CSMD3: variants seen among roughly 807,000 people sequenced by gnomAD.
CSMD3 encodes the protein CUB and sushi domain-containing protein 3.
CSMD3 carries 177 observed loss-of-function variants against 435.2 expected under a neutral mutation model. The observed-to-expected ratio is 0.41, with a 90% confidence interval of 0.36 to 0.46. The LOEUF (loss-of-function observed/expected upper bound fraction) is 0.46, where lower values mean the gene tolerates loss of function less well. CSMD3 is among the 20% of genes least tolerant of loss of function. The pLI, the probability that CSMD3 is intolerant of heterozygous loss-of-function variation, is 0.34. For synonymous variants in CSMD3, 1,656 were observed against 1,520.5 expected, an observed-to-expected ratio of 1.09 and a Z score of -2.07; for missense variants, 4,265 against 4,504.6, an observed-to-expected ratio of 0.95 and a Z score of 1.52.
chr8:112,656,307 C>T lies in CSMD3; in HGVS notation c.2851G>A (p.Val951Ile). ...QTELNYDVLE[V>I]HDGPNLLSPL... ...GACAGAAGATTTGGCCCATCATGAA[C>T]TTCCAGAACATCATAATTCAGTTCA... Residue 951 changes from valine to isoleucine, a missense_variant, in exon 18 of 71, where the codon GTT becomes ATT. This residue lies in a region of CSMD3 where 3,255 missense variants were observed against 3,380.2 expected (regional missense o/e 0.96). Transcript: ENST00000297405. The T allele has an allele frequency of 2.5e-6, 4 of 1,613,484 alleles. No individual in the cohort carries two copies. Among genetic ancestry groups the T allele is most frequent in the Non-Finnish European group, 3.4e-6 (4 of 1,179,632 alleles).
intron 1 of CSMD3, among the ~76,000 whole-genome samples, chr8:113,366,826 T>G (rs1310142088): frequency 2.6e-5 from 4 of 152,096 alleles, no homozygotes; most frequent in Non-Finnish European, 1.5e-5. Flanking sequence ...GATAATGTGT[T>G]AACCATGAAC....
chr8:113,330,902 A>C (rs1175788964), intron 1 of CSMD3, among the ~76,000 whole-genome samples: 1 of 151,846 alleles, frequency 6.6e-6, no homozygotes, highest in African/African-American at 2.4e-5. Context: ...GATATAAAAT[A>C]CTCGAGCAAG....
At chr8:112,430,882 G>A (rs535399048) in intron 32 of CSMD3, among the ~76,000 whole-genome samples, 1 of 122,458 alleles carries the variant, frequency 8.2e-6, no homozygotes, top group Non-Finnish European at 1.7e-5. Flanking sequence ...GTTGTTACGG[G>A]TGTTTGTGTG....
chr8:112,363,543 A>G (rs935772533), intron 38 of CSMD3, among the ~76,000 whole-genome samples: 2 of 152,032 alleles, frequency 1.3e-5, no homozygotes, highest in African/African-American at 4.8e-5. Flanking sequence ...CCTTCACTGC[A>G]AGAAAACCCT....
intron 13 of CSMD3, among the ~76,000 whole-genome samples, chr8:112,702,572 A>G (rs1413916318): frequency 6.6e-6 from 1 of 151,976 alleles, no homozygotes; most frequent in Non-Finnish European, 1.5e-5. Flanking sequence ...CGCTTTTTGC[A>G]CTTCTTTCCT....
intron 4 of CSMD3, among the ~76,000 whole-genome samples, chr8:113,142,322 G>T (rs1223489841): frequency 4.0e-5 from 6 of 151,060 alleles, no homozygotes; most frequent in Admixed American, 3.3e-4. Flanking sequence ...AAATTATTTT[G>T]AAAAAGTAGA....
chr8:112,492,403 T>C (rs1318598353), intron 31 of CSMD3, 86 bp downstream of exon 31: 6 of 1,007,708 alleles, frequency 6.0e-6, no homozygotes, highest in East Asian at 2.5e-5. Context: ...TGTGGAATAG[T>C]TGATGTTCTG....
Position 112,404,567 on chromosome 8 carries a change from G to T in CSMD3, c.5809+1957C>A, listed in dbSNP as rs75455724. Among the ~76,000 whole-genome samples, 299 of 151,732 alleles carry T rather than the reference G, an allele frequency of 2.0e-3. 2 individuals carry two copies. The highest frequency in any genetic ancestry group is 7.0e-3 in the African/African-American group (288 of 41,402). On this transcript the variant is annotated intron_variant, in intron 35 of 70. Transcript: ENST00000297405. Reference sequence around the variant, plus strand: ...CATATCCTGTGAATGCATATCAACAGATTTATCTTTGATCTCTTCTCAGTA... The same window carrying T: ...CATATCCTGTGAATGCATATCAACATATTTATCTTTGATCTCTTCTCAGTA...
intron 12 of CSMD3, among the ~76,000 whole-genome samples, chr8:112,814,603 C>T (rs899168167): frequency 2.6e-5 from 4 of 152,014 alleles, no homozygotes; most frequent in African/African-American, 9.7e-5. Context: ...GCCAACATGG[C>T]AAAACCCCAT....
intron 9 of CSMD3, among the ~76,000 whole-genome samples, chr8:112,938,103 C>A (rs183337480): frequency 3.8e-4 from 58 of 152,228 alleles, no homozygotes; most frequent in Admixed American, 2.6e-3. Flanking sequence ...GCAAGTCAGG[C>A]TGCTGGAACT....
chr8:113,326,884 G>A (rs1049873458), intron 1 of CSMD3, among the ~76,000 whole-genome samples: 1 of 151,880 alleles, frequency 6.6e-6, no homozygotes, highest in Admixed American at 6.6e-5. Context: ...TATATTATAG[G>A]AAAAATCTAG....
chr8:113,258,180 C>T (rs2093399027), intron 3 of CSMD3, among the ~76,000 whole-genome samples: 1 of 152,112 alleles, frequency 6.6e-6, no homozygotes, highest in African/African-American at 2.4e-5. Context: ...GATTTTCTGA[C>T]ACAAAACATA....
At chr8:112,324,739 T>G (rs1333501799) in intron 45 of CSMD3, among the ~76,000 whole-genome samples, 1 of 152,058 alleles carries the variant, frequency 6.6e-6, no homozygotes, top group Non-Finnish European at 1.5e-5. Context: ...ATGGGAGGCC[T>G]TTAAAGAGAT....
chr8:112,447,910 C>A (rs368579167), intron 32 of CSMD3, among the ~76,000 whole-genome samples: 1 of 152,028 alleles, frequency 6.6e-6, no homozygotes, highest in African/African-American at 2.4e-5. Flanking sequence ...TTGTGTCCCC[C>A]CAAAGTGTAA....
intron 4 of CSMD3, among the ~76,000 whole-genome samples, chr8:113,133,548 C>T (rs539337741): frequency 6.6e-6 from 1 of 152,170 alleles, no homozygotes; most frequent in African/African-American, 2.4e-5. Flanking sequence ...AAAAATAGAA[C>T]TACCATATGA....
chr8:112,899,063 A>G (rs2082028965), intron 10 of CSMD3, among the ~76,000 whole-genome samples: 1 of 151,262 alleles, frequency 6.6e-6, no homozygotes, highest in South Asian at 2.1e-4. Context: ...TCTTATACAA[A>G]TAAGCCACAA....
At chr8:113,386,693 C>G (rs76332152) in intron 1 of CSMD3, among the ~76,000 whole-genome samples, 1 of 151,874 alleles carries the variant, frequency 6.6e-6, no homozygotes, top group East Asian at 1.9e-4. Flanking sequence ...ACTACATTCA[C>G]CAATCTTCTT....
At chr8:113,372,791 G>A (rs2094354432) in intron 1 of CSMD3, among the ~76,000 whole-genome samples, 3 of 151,852 alleles carry the variant, frequency 2.0e-5, no homozygotes, top group Admixed American at 2.0e-4. Flanking sequence ...AAAATTAGCC[G>A]GGCGTGGTGG....
At chr8:113,328,609 CAATGAA>C (rs988506183) in intron 1 of CSMD3, among the ~76,000 whole-genome samples, 1 of 151,372 alleles carries the variant, frequency 6.6e-6, no homozygotes, top group African/African-American at 2.4e-5. Context: ...AATATCAAAA[CAATGAA>C]AAACAGGTAC....
Sources: allele counts gnomAD v4.1 joint callset (sites outside exome capture counted in the v4.1 genomes callset), GRCh38; gene constraint gnomAD v4.1.1; regional missense constraint gnomAD v4.1.1; transcripts MANE v1.5; gene names NCBI Gene and HGNC (gene_info 2026-07-23, HGNC 2026-07-21).